The following CA10 variants were observed in gnomAD, a reference collection of about 807,000 sequenced individuals.
CA10 encodes the protein carbonic anhydrase 10 (inactive).
Under a neutral mutation model 44.2 loss-of-function variants are expected in CA10, and 14 were observed. The ratio of observed to expected loss-of-function variants is 0.32; its 90% confidence interval spans 0.21 to 0.50. The LOEUF is 0.50. Ranked by LOEUF, CA10 falls within the 20% of genes least tolerant of loss-of-function variation. The pLI, the probability that CA10 is intolerant of heterozygous loss-of-function variation, is 0.99. For missense variants in CA10, 350 were observed against 409.7 expected (o/e 0.85, Z 1.26); for synonymous variants, 159 against 141.6 (o/e 1.12, Z -0.87).
intron 3 of CA10, among the ~76,000 whole-genome samples, chr17:51,750,307 A>G (rs1191843548): frequency 2.0e-5 from 3 of 151,998 alleles, no homozygotes; most frequent in African/African-American, 7.2e-5. Context: ...GAGATTTTAT[A>G]TATGTGCATT....
intron 2 of CA10, among the ~76,000 whole-genome samples, chr17:52,002,426 A>G (rs1474882997): frequency 3.3e-5 from 5 of 151,832 alleles, no homozygotes; most frequent in Non-Finnish European, 7.4e-5. Flanking sequence ...AGGAGGTGCT[A>G]CTGCAAAGAA....
At chr17:51,980,129 TA>T (rs1460572691) in intron 2 of CA10, among the ~76,000 whole-genome samples, 1 of 152,198 alleles carries the variant, frequency 6.6e-6, no homozygotes, top group Non-Finnish European at 1.5e-5. Flanking sequence ...ATGGTTGAAC[TA>T]ATTTACACCC....
intron 4 of CA10, among the ~76,000 whole-genome samples, chr17:51,682,584 G>C (rs1237479927): frequency 6.6e-6 from 1 of 152,104 alleles, no homozygotes; most frequent in African/African-American, 2.4e-5. Context: ...AAAATGAAGA[G>C]AATTCAAAAA....
At chr17:51,879,120 C>G (rs1037095807) in intron 3 of CA10, among the ~76,000 whole-genome samples, 1 of 151,396 alleles carries the variant, frequency 6.6e-6, no homozygotes, top group Admixed American at 6.6e-5. Flanking sequence ...TCAATTTATT[C>G]AAAATGGAAC....
intron 3 of CA10, among the ~76,000 whole-genome samples, chr17:51,863,653 G>T (rs1979415100): frequency 6.6e-6 from 1 of 152,182 alleles, no homozygotes; most frequent in Admixed American, 6.5e-5. Flanking sequence ...CAAATTCACT[G>T]GTCCCCACGG....
intron 2 of CA10, among the ~76,000 whole-genome samples, chr17:51,933,745 T>C (rs145702367): frequency 1.3e-5 from 2 of 152,234 alleles, no homozygotes; most frequent in East Asian, 3.9e-4. Flanking sequence ...ATGATTAAAG[T>C]AGTTACAGCT....
At chr17:51,735,035 G>A (rs773739695) in intron 4 of CA10, among the ~76,000 whole-genome samples, 2 of 152,124 alleles carry the variant, frequency 1.3e-5, no homozygotes, top group Non-Finnish European at 2.9e-5. Flanking sequence ...AACAGCATTA[G>A]AAGGGCCCTT....
chr17:51,668,808 A>G (rs1215432286), intron 4 of CA10, among the ~76,000 whole-genome samples: 1 of 151,674 alleles, frequency 6.6e-6, no homozygotes, highest in Non-Finnish European at 1.5e-5. Flanking sequence ...CTGTGCCTGC[A>G]CTCGTGGGCC....
intron 3 of CA10, among the ~76,000 whole-genome samples, chr17:51,925,985 G>A (rs930116160): frequency 6.6e-6 from 1 of 152,062 alleles, no homozygotes; most frequent in Non-Finnish European, 1.5e-5. Flanking sequence ...GTTTCAAGTT[G>A]GGATGATAAA....
At chr17:51,714,473 C>T (rs763938220) in intron 4 of CA10, among the ~76,000 whole-genome samples, 3 of 152,152 alleles carry the variant, frequency 2.0e-5, no homozygotes, top group Non-Finnish European at 4.4e-5. Context: ...TAATTTCCTT[C>T]CTCCCTCTGG....
rs568640077 is a variant in CA10 at position 51,710,490 on chromosome 17, C to A, written c.465+37143G>T. Among the ~76,000 whole-genome samples the A allele has an allele frequency of 9.9e-5, 15 of 152,280 alleles. No homozygotes were observed. In the East Asian group the frequency reaches 2.9e-3, roughly 29 times the overall value. ...CACCTGGAGTTCAGAAGCCTGACTT[C>A]TCACCACCAGCAGAAAGACCTACTT... On this transcript the variant is annotated intron_variant, in intron 4 of 8. Coordinates refer to ENST00000451037, the MANE Select transcript of CA10 (RefSeq NM_020178.5).
chr17:51,759,112 A>G (rs896022924), intron 3 of CA10, among the ~76,000 whole-genome samples: 2 of 152,116 alleles, frequency 1.3e-5, no homozygotes, highest in Non-Finnish European at 2.9e-5. Context: ...GAGAGCCTGG[A>G]GAGTTCTTGT....
intron 3 of CA10, among the ~76,000 whole-genome samples, chr17:51,876,345 CTTTTTTT>C (rs767472733): frequency 8.1e-6 from 1 of 123,684 alleles, no homozygotes; most frequent in African/African-American, 3.1e-5. Context: ...TTTTTTTCAT[CTTTTTTT>C]TTTTTTTTTT....
chr17:51,644,555 A>C (rs929061041), intron 6 of CA10, among the ~76,000 whole-genome samples: 1 of 151,986 alleles, frequency 6.6e-6, no homozygotes, highest in Non-Finnish European at 1.5e-5. Context: ...AGACTCATAT[A>C]TCCAACTGCC....
rs190858319 is a variant in CA10 at position 51,799,279 on chromosome 17, G to T, written c.280-51461C>A. Among the ~76,000 whole-genome samples, 13 of 152,268 alleles carry T rather than the reference G, an allele frequency of 8.5e-5. No homozygotes were observed. The East Asian group carries it at 2.5e-3, about 29-fold the overall frequency. ...AATAAATAACCATAAACCCCCAGTG[G>T]CAGATAACAATTTATTTAGTTTATA... is the stretch of plus-strand genomic sequence containing the variant. On this transcript the variant is annotated intron_variant, in intron 3 of 8. Transcript: ENST00000451037.
chr17:52,018,257 T>C (rs34858185), intron 2 of CA10, among the ~76,000 whole-genome samples: 99,296 of 151,996 alleles, frequency 0.65, 33,754 homozygotes, highest in African/African-American at 0.82. Flanking sequence ...ATGCTGCCCT[T>C]CAGACCAAAT....
At chr17:51,741,258 C>G (rs923946291) in intron 4 of CA10, among the ~76,000 whole-genome samples, 6 of 152,174 alleles carry the variant, frequency 3.9e-5, no homozygotes, top group Admixed American at 3.9e-4. Flanking sequence ...GCTCTTAAAT[C>G]CCTCCAGGGT....
chr17:51,661,221 T>A (rs1913995242), intron 4 of CA10, among the ~76,000 whole-genome samples: 1 of 59,174 alleles, frequency 1.7e-5, no homozygotes, highest in Non-Finnish European at 3.7e-5. Flanking sequence ...ATTAACTGTA[T>A]CAAGGCAGAA....
intron 3 of CA10, among the ~76,000 whole-genome samples, chr17:51,833,637 C>G (rs1185146924): frequency 6.6e-6 from 1 of 152,146 alleles, no homozygotes; most frequent in Non-Finnish European, 1.5e-5. Flanking sequence ...GCAGGACTGT[C>G]TGTCAGAGTA....
Sources: gnomAD v4.1 joint callset for allele counts (sites outside exome capture counted in the v4.1 genomes callset) on GRCh38, gnomAD v4.1.1 for gene constraint, MANE v1.5 for transcripts, NCBI Gene and HGNC (gene_info 2026-07-23, HGNC 2026-07-21) for gene names.